The following SH3BP1 variants were observed in gnomAD, a reference collection of about 807,000 sequenced individuals.
The protein encoded by SH3BP1 is SH3 domain-binding protein 1.
In SH3BP1, 46 loss-of-function variants were observed where a neutral mutation model predicts 69.8. The observed-to-expected ratio is 0.66, with a 90% confidence interval of 0.52 to 0.84. The LOEUF is 0.84. Among genes scored for constraint, SH3BP1 ranks in the 40% least tolerant of loss-of-function variants. SH3BP1 has a pLI of 0.00. For synonymous variants in SH3BP1, 403 were observed against 378.0 expected (o/e 1.07, Z -0.77); for missense variants, 868 against 930.9 (o/e 0.93, Z 0.88).
chr22:37,651,335 CT>C (rs796111906), intron 16 of SH3BP1, among the ~76,000 whole-genome samples: 197 of 136,644 alleles, frequency 1.4e-3, no homozygotes, highest in South Asian at 8.1e-3. Flanking sequence ...CACCCAGCCT[CT>C]TTTTTTTTTT....
chr22:37,655,678 C>T lies in SH3BP1; in HGVS notation c.2100C>T (p.Thr700=), dbSNP rs1343952918. Reference sequence around the variant, plus strand: ...GCCCCAGGAGCCTTGCCTCAGAGACCAACTGAGTGGCTGGTTTCTCCCTAA... The same window carrying T: ...GCCCCAGGAGCCTTGCCTCAGAGACTAACTGAGTGGCTGGTTTCTCCCTAA... ...QPRPRSLASE[T]N The change falls in exon 18 of 18, where the codon ACC becomes ACT. Residue 700 remains threonine (T), a synonymous_variant. Transcript: ENST00000649765. 1.3e-6 allele frequency: 2 copies of T among 1,504,552 alleles called. No individual in the cohort carries two copies. The highest frequency in any genetic ancestry group is 2.2e-5 in the Admixed American group (1 of 44,930). The allele number at this position is 1,504,552 out of a possible 1,614,324, so 93.2% of individuals were successfully genotyped here.
chr22:37,650,800 C>A, intron 16 of SH3BP1, 75 bp downstream of exon 16: 1 of 1,486,294 alleles, frequency 6.7e-7, no homozygotes, highest in Non-Finnish European at 9.0e-7. Context: ...TGTCTCAGAG[C>A]TGGAAGCTGA....
chr22:37,642,509 C>G (rs1270611172), intron 3 of SH3BP1, 30 bp from the exon 4 acceptor site: 1 of 1,610,176 alleles, frequency 6.2e-7, no homozygotes, highest in East Asian at 2.2e-5. Flanking sequence ...GAGGCACGGA[C>G]ACTCATCGCC....
At position 37,643,756 on chromosome 22, in the gene SH3BP1, G is replaced by A. The variant is rs1348247101; in HGVS notation, c.586G>A (p.Glu196Lys). Residue 196 changes from glutamate to lysine, a missense_variant, in exon 7 of 18, where the codon GAG becomes AAG. Transcript: ENST00000649765. The part of the protein sequence containing the change: ...NKVETLKEEE[E>K]ELKRKVEQCR... ...GGTGGAGACGCTGAAGGAGGAGGAG[G>A]AGGAGCTGAAGAGGAAAGTGGAGCA... 1 of 1,613,778 alleles carries A rather than the reference G, an allele frequency of 6.2e-7. No homozygotes were observed. Among genetic ancestry groups the A allele is most frequent in the Non-Finnish European group, 8.5e-7 (1 of 1,180,026 alleles).
Position 37,648,394 on chromosome 22 carries a change from A to G in SH3BP1, c.1275A>G (p.Ile425Met). ...AGATGACACCCAGCAACATCGCCAT[A>G]GTCCTGGGACCCAACTTGCTGTGGC... is the stretch of plus-strand genomic sequence containing the variant. ...VNKMTPSNIAIVLGPNLLWPP... is the reference protein window; with the variant it reads ...VNKMTPSNIAMVLGPNLLWPP... Residue 425 changes from isoleucine (I) to methionine (M), a missense_variant, in exon 14 of 18, where the codon ATA (isoleucine) becomes ATG (methionine). Ile to Met is a conservative substitution (Grantham distance 10). Coordinates refer to ENST00000649765, the MANE Select transcript of SH3BP1 (RefSeq NM_018957.6). 2 of 1,569,036 alleles carry G rather than the reference A, an allele frequency of 1.3e-6. No individual in the cohort carries two copies.
chr22:37,642,856 G>GTC (rs1932652230), intron 4 of SH3BP1, 39 bp from the exon 5 acceptor site: 2 of 1,601,152 alleles, frequency 1.2e-6, no homozygotes, highest in Non-Finnish European at 1.7e-6. Flanking sequence ...GGAGGTGAGG[G>GTC]CAGCGGGCGC....
intron 13 of SH3BP1, 92 bp from the exon 14 acceptor site, chr22:37,648,227 G>A (rs975613836): frequency 1.3e-5 from 11 of 829,304 alleles, no homozygotes; most frequent in South Asian, 6.0e-5. Context: ...CATTCTGGGC[G>A]GTGTCTTTCA....
At chr22:37,640,737 C>T in intron 1 of SH3BP1, 2 of 274,200 alleles carry the variant, frequency 7.3e-6, no homozygotes, top group South Asian at 7.7e-5. Flanking sequence ...AGTCTGAGCT[C>T]CTGCACTTCC....
chr22:37,655,472 C>T lies in SH3BP1; in HGVS notation c.1894C>T (p.Arg632Trp), dbSNP rs1294557301. Reference sequence around the variant, plus strand: ...ACCCCCCACACCCCCTCAGCCTGCCCGGCGCCAAAGCCGGCGTTCACCAGC... The same window carrying T: ...ACCCCCCACACCCCCTCAGCCTGCCTGGCGCCAAAGCCGGCGTTCACCAGC... ...PLPPTPPQPA[R>W]RQSRRSPASP... is the part of the protein sequence containing the mutation. Residue 632 changes from arginine (R) to tryptophan (W), a missense_variant, in exon 18 of 18, where the codon CGG becomes TGG. By Grantham distance (101) the Arg-to-Trp change is moderately radical (BLOSUM62 -3). This residue lies in a region of SH3BP1 where 474 missense variants were observed against 462.3 expected (regional missense o/e 1.03). Coordinates refer to ENST00000649765, the MANE Select transcript of SH3BP1 (RefSeq NM_018957.6). 4.8e-6 allele frequency: 7 copies of T among 1,465,640 alleles called. No homozygotes were observed. The highest frequency in any genetic ancestry group is 5.1e-5 in the East Asian group (2 of 39,396). 90.8% of individuals were successfully genotyped at this position (1,465,640 alleles called of 1,614,324 possible).
intron 2 of SH3BP1, 65 bp from the exon 3 acceptor site, chr22:37,641,309 A>T: frequency 6.5e-7 from 1 of 1,533,076 alleles, no homozygotes; most frequent in Non-Finnish European, 8.8e-7. Flanking sequence ...AGGGGACAGG[A>T]GAAAGTTTCC....
Position 37,647,481 on chromosome 22 carries a change from G to A in SH3BP1, c.1159G>A (p.Val387Met), listed in dbSNP as rs1289404091. The A allele has an allele frequency of 6.2e-7, 1 of 1,608,738 alleles. No homozygotes were observed. The highest frequency in any genetic ancestry group is 1.3e-5 in the African/African-American group (1 of 74,918). ...GGCCCGGCTGCAGGCCCTCCAAGAG[G>A]TGTGCAGCCGCCTACCCCCCGAGAA... ...PGARLQALQE[V>M]CSRLPPENLS... Residue 387 changes from valine (V) to methionine (M), a missense_variant, in exon 13 of 18, where the codon GTG (valine) becomes ATG (methionine). This residue lies in a region of SH3BP1 where 474 missense variants were observed against 462.3 expected (regional missense o/e 1.03). Coordinates refer to ENST00000649765, the MANE Select transcript of SH3BP1 (RefSeq NM_018957.6).
intron 17 of SH3BP1, among the ~76,000 whole-genome samples, 166 bp from the exon 18 acceptor site, chr22:37,655,105 GC>G (rs1932981517): frequency 6.6e-6 from 1 of 152,198 alleles, no homozygotes; most frequent in Admixed American, 6.5e-5. Context: ...CTCCAAGGGG[GC>G]AAAGGGCACA....
Position 37,655,439 on chromosome 22 carries a change from C to A in SH3BP1, c.1861C>A (p.Pro621Thr). Reference protein sequence around the residue: ...GSSLRAPTVPPPLPPTPPQPA... With the variant: ...GSSLRAPTVPTPLPPTPPQPA... ...CAGCCTCCGAGCCCCCACAGTGCCA[C>A]CCCCGTTACCCCCCACACCCCCTCA... is the stretch of plus-strand genomic sequence containing the variant. The change falls in exon 18 of 18, where the codon CCC (proline) becomes ACC (threonine). Residue 621 changes from proline (P) to threonine (T), a missense_variant. Coordinates refer to ENST00000649765, the MANE Select transcript of SH3BP1 (RefSeq NM_018957.6). 2.4e-6 allele frequency: 3 copies of A among 1,274,060 alleles called. No individual in the cohort carries two copies. Among genetic ancestry groups the A allele is most frequent in the Non-Finnish European group, 2.1e-6 (2 of 930,570 alleles). 78.9% of individuals were successfully genotyped at this position (1,274,060 alleles called of 1,614,324 possible).
At position 37,642,884 on chromosome 22, in the gene SH3BP1, C is replaced by T. The variant is rs1428805028; in HGVS notation, c.285-11C>T. ...GCGGGCGCCTGGACCCATGGGGTGC[C>T]GTGTCCACAGGAAGGCCTTGGAGAT... is the stretch of plus-strand genomic sequence containing the variant. On this transcript the variant is annotated splice_polypyrimidine_tract_variant and intron_variant, in intron 4 of 17. Coordinates refer to ENST00000649765, the MANE Select transcript of SH3BP1 (RefSeq NM_018957.6). 7 of 1,610,076 alleles carry T rather than the reference C, an allele frequency of 4.3e-6. No individual in the cohort carries two copies. The highest frequency in any genetic ancestry group is 2.7e-5 in the African/African-American group (2 of 74,976).
At chr22:37,640,083 G>A (rs1932528561) in intron 1 of SH3BP1, among the ~76,000 whole-genome samples, 1 of 152,202 alleles carries the variant, frequency 6.6e-6, no homozygotes, top group African/African-American at 2.4e-5. Context: ...CGGATTGGAG[G>A]GGGCTTCAGG....
chr22:37,651,257 C>A (rs1284737548), intron 16 of SH3BP1, among the ~76,000 whole-genome samples: 1 of 151,698 alleles, frequency 6.6e-6, no homozygotes, highest in Admixed American at 6.6e-5. Flanking sequence ...TGGTCTTGAA[C>A]TCCTGGCCTC....
chr22:37,643,650 T>G lies in SH3BP1; in HGVS notation c.480T>G (p.Ser160Arg). 1 of 1,614,126 alleles carries G rather than the reference T, an allele frequency of 6.2e-7. No homozygotes were observed. The highest frequency in any genetic ancestry group is 8.5e-7 in the Non-Finnish European group (1 of 1,180,034). The change falls in exon 7 of 18, where the codon AGT (serine) becomes AGG (arginine). Residue 160 changes from serine (S) to arginine (R), a missense_variant. Ser to Arg is a moderately radical substitution (Grantham distance 110). Around this residue, in one of 3 missense-constraint regions of SH3BP1, gnomAD observed 387 missense variants for 447.9 expected, o/e 0.86. Transcript: ENST00000649765. Reference protein sequence around the residue: ...SDWNTLKSRLSQATKNSGSSQ... With the variant: ...SDWNTLKSRLRQATKNSGSSQ... ...ACCTTGGGATCATCTCCAGGCTCAGTCAGGCAACCAAGAATTCAGGCAGCA... is the reference window on the plus strand; with the variant it reads ...ACCTTGGGATCATCTCCAGGCTCAGGCAGGCAACCAAGAATTCAGGCAGCA...
At chr22:37,644,991 C>T (rs1276484801) in intron 9 of SH3BP1, 31 bp downstream of exon 9, 1 of 1,586,456 alleles carries the variant, frequency 6.3e-7, no homozygotes, top group Non-Finnish European at 8.6e-7. Flanking sequence ...ATACCACACC[C>T]CTGACCCTGC....
intron 17 of SH3BP1, 113 bp downstream of exon 17, chr22:37,653,986 T>G (rs958035568): frequency 1.2e-5 from 9 of 766,764 alleles, no homozygotes; most frequent in Admixed American, 5.2e-5. Flanking sequence ...GGAGTCAAGG[T>G]GATAAAGAGC....
Sources: allele counts gnomAD v4.1 joint callset (sites outside exome capture counted in the v4.1 genomes callset), GRCh38; gene constraint gnomAD v4.1.1; regional missense constraint gnomAD v4.1.1; transcripts MANE v1.5; gene names NCBI Gene and HGNC (gene_info 2026-07-23, HGNC 2026-07-21).